Variants in TMEFF2 observed in about 807,000 individuals in gnomAD.
TMEFF2 encodes tomoregulin-2.
A neutral mutation model predicts 53.8 loss-of-function variants in TMEFF2; 28 were observed. The observed-to-expected ratio is 0.52, with a 90% CI of 0.39 to 0.71. TMEFF2 has a LOEUF of 0.71. TMEFF2 is among the 30% of genes least tolerant of loss of function. TMEFF2 has a pLI of 0.00. For missense variants in TMEFF2, 353 were observed against 455.2 expected (o/e 0.78, Z 2.04); for synonymous variants, 162 against 166.3 (o/e 0.97, Z 0.20).
chr2:192,191,653 C>G lies in TMEFF2; in HGVS notation c.282+227G>C, dbSNP rs1239589628. On this transcript the variant is annotated intron_variant, in intron 2 of 9. Transcript: ENST00000272771. The stretch of plus-strand genomic sequence containing the variant: ...TCCTTTGACATCCCAAAAGCACAAC[C>G]TGAAGCTTTCTACCTCCAGCAGCAT... Among the ~76,000 whole-genome samples the G allele has an allele frequency of 2.6e-5, 4 of 152,110 alleles. No homozygotes were observed. In the East Asian group the frequency reaches 7.7e-4, roughly 29 times the overall value.
At chr2:192,100,184 G>A (rs1382760778) in intron 4 of TMEFF2, among the ~76,000 whole-genome samples, 1 of 152,046 alleles carries the variant, frequency 6.6e-6, no homozygotes, top group Admixed American at 6.6e-5. Context: ...TACAGAGACT[G>A]GTTTTACTTA....
At chr2:192,053,719 C>T (rs558996216) in intron 5 of TMEFF2, among the ~76,000 whole-genome samples, 5 of 152,290 alleles carry the variant, frequency 3.3e-5, no homozygotes, top group East Asian at 3.9e-4. Context: ...AGCGTATCAA[C>T]GCTCCCTTGA....
chr2:192,131,545 C>T (rs1404826190), intron 4 of TMEFF2, among the ~76,000 whole-genome samples: 2 of 152,060 alleles, frequency 1.3e-5, no homozygotes, highest in Non-Finnish European at 2.9e-5. Context: ...GCCCCAATCC[C>T]TTATTTCCAC....
intron 1 of TMEFF2, among the ~76,000 whole-genome samples, chr2:192,192,833 A>G (rs1691495405): frequency 6.6e-6 from 1 of 152,216 alleles, no homozygotes; most frequent in Admixed American, 6.5e-5. Context: ...AAAGCATCTA[A>G]AAAGTGATTA....
At chr2:192,027,533 G>A (rs1427001201) in intron 5 of TMEFF2, among the ~76,000 whole-genome samples, 1 of 152,166 alleles carries the variant, frequency 6.6e-6, no homozygotes, top group Non-Finnish European at 1.5e-5. Context: ...GGATGTGGCA[G>A]CAACATCTAA....
chr2:192,175,013 C>A (rs1357443310), intron 4 of TMEFF2, among the ~76,000 whole-genome samples: 1 of 151,624 alleles, frequency 6.6e-6, no homozygotes, highest in Admixed American at 6.6e-5. Flanking sequence ...CATTTTATTT[C>A]TTCAGAGGAA....
intron 7 of TMEFF2, among the ~76,000 whole-genome samples, chr2:191,988,293 C>A (rs935387727): frequency 1.3e-5 from 2 of 152,104 alleles, no homozygotes; most frequent in South Asian, 2.1e-4. Flanking sequence ...CATTAAAAAT[C>A]AAAAATCAAT....
At chr2:192,034,737 T>A (rs761678324) in intron 5 of TMEFF2, 1 of 152,208 alleles carries the variant, frequency 6.6e-6, no homozygotes, top group Non-Finnish European at 1.5e-5. Context: ...AACTGTTCTC[T>A]CGATTTTCTG....
chr2:192,034,859 G>C (rs901632930), intron 5 of TMEFF2: 3 of 152,256 alleles, frequency 2.0e-5, no homozygotes, highest in African/African-American at 7.2e-5. Flanking sequence ...GCCCTATCCT[G>C]CTTTTCACTG....
intron 5 of TMEFF2, among the ~76,000 whole-genome samples, chr2:192,051,797 A>T (rs895876808): frequency 6.6e-6 from 1 of 152,232 alleles, no homozygotes; most frequent in African/African-American, 2.4e-5. Context: ...AAGATGTTAA[A>T]GACTTCAAAC....
chr2:192,076,195 A>G (rs1294686713), intron 4 of TMEFF2, among the ~76,000 whole-genome samples: 1 of 152,094 alleles, frequency 6.6e-6, no homozygotes, highest in Non-Finnish European at 1.5e-5. Context: ...TTATAGGTAT[A>G]TATTTATAGT....
At chr2:192,012,195 G>A (rs1046934197) in intron 5 of TMEFF2, among the ~76,000 whole-genome samples, 2 of 152,154 alleles carry the variant, frequency 1.3e-5, no homozygotes, top group Non-Finnish European at 1.5e-5. Flanking sequence ...GAGCCACTGC[G>A]CCTGGCCTAC....
At chr2:191,969,754 T>C (rs537610920) in intron 7 of TMEFF2, among the ~76,000 whole-genome samples, 10 of 152,170 alleles carry the variant, frequency 6.6e-5, no homozygotes, top group South Asian at 2.1e-4. Flanking sequence ...GCAATTCTCA[T>C]TGAAAGAGCC....
chr2:192,150,640 C>A lies in TMEFF2; in HGVS notation c.439+29028G>T, dbSNP rs1334993787. The stretch of plus-strand genomic sequence containing the variant: ...TTCCTAAAGTGTCTCATACTTGAGG[C>A]ATCAAGAGTGCTTCCAAAGCACATA... On this transcript the variant is annotated intron_variant, in intron 4 of 9. Transcript: ENST00000272771. Among the ~76,000 whole-genome samples the A allele has an allele frequency of 2.0e-5, 3 of 150,746 alleles. No homozygotes were observed. In the Admixed American group the frequency reaches 2.0e-4, roughly 10 times the overall value.
At chr2:192,131,764 A>G (rs1015247790) in intron 4 of TMEFF2, among the ~76,000 whole-genome samples, 14 of 151,608 alleles carry the variant, frequency 9.2e-5, no homozygotes, top group Non-Finnish European at 1.6e-4. Context: ...AACCTCTTCA[A>G]CTCTCACCTG....
intron 7 of TMEFF2, among the ~76,000 whole-genome samples, chr2:191,980,038 T>C (rs986853730): frequency 6.6e-6 from 1 of 152,192 alleles, no homozygotes; most frequent in African/African-American, 2.4e-5. Flanking sequence ...TCAGTCTTAT[T>C]CGTTTACTCA....
intron 4 of TMEFF2, among the ~76,000 whole-genome samples, chr2:192,127,690 T>C (rs1023855705): frequency 4.6e-5 from 7 of 152,060 alleles, no homozygotes; most frequent in Non-Finnish European, 8.8e-5. Flanking sequence ...AACTGTTTGT[T>C]TTATGTTAAC....
chr2:192,139,247 C>G (rs1319729896), intron 4 of TMEFF2, among the ~76,000 whole-genome samples: 3 of 152,152 alleles, frequency 2.0e-5, no homozygotes, highest in African/African-American at 7.2e-5. Context: ...GATATAAATA[C>G]TGTTTTTGGA....
chr2:192,154,828 T>C (rs914111924), intron 4 of TMEFF2, among the ~76,000 whole-genome samples: 1 of 152,044 alleles, frequency 6.6e-6, no homozygotes, highest in East Asian at 1.9e-4. Context: ...TTTTGAGGGC[T>C]TCTTGCCTGC....
Sources: gnomAD v4.1 joint callset for allele counts (sites outside exome capture counted in the v4.1 genomes callset) on GRCh38, gnomAD v4.1.1 for gene constraint, MANE v1.5 for transcripts, NCBI Gene and HGNC (gene_info 2026-07-23, HGNC 2026-07-21) for gene names.